ZFPL1: variants seen among roughly 807,000 people sequenced by gnomAD.
ZFPL1 encodes the protein zinc finger protein-like 1.
A neutral mutation model predicts 32.0 loss-of-function variants in ZFPL1; 28 were observed. That is an observed-to-expected ratio of 0.87 (90% CI 0.65 to 1.20). ZFPL1 has a LOEUF of 1.20. ZFPL1 is among the 50% of genes most tolerant of loss of function. The pLI, the probability that ZFPL1 is intolerant of heterozygous loss-of-function variation, is 0.00. For synonymous variants in ZFPL1, 165 were observed against 177.0 expected, an observed-to-expected ratio of 0.93 and a Z score of 0.54; for missense variants, 386 against 424.8, an observed-to-expected ratio of 0.91 and a Z score of 0.80.
At position 65,087,217 on chromosome 11, in the gene ZFPL1, G is replaced by A. The variant is rs867138835; in HGVS notation, c.629-99G>A. 1.7e-5 allele frequency: 26 copies of A among 1,557,910 alleles called. No individual in the cohort carries two copies. The Middle Eastern group carries it at 4.2e-3, about 254-fold the overall frequency. ...AGCCATTACCTCCTCACAATTCTGA[G>A]ATGTTCTGTCAGACTGAGGAGAGCA... On this transcript the variant is annotated intron_variant, in intron 6 of 7. Transcript: ENST00000294258.
chr11:65,086,266 C>A, intron 3 of ZFPL1, 149 bp from the exon 4 acceptor site: 4 of 1,065,182 alleles, frequency 3.8e-6, no homozygotes, highest in Middle Eastern at 2.5e-4. Flanking sequence ...AGAAGACTGA[C>A]ATTTTAGGGA....
Position 65,088,336 on chromosome 11 carries a change from G to T in ZFPL1, c.*222G>T. ...GACTTGCTTTCCTCCCGGGTCTCCA[G>T]CCTCCGACCCCTCGCCCCATGAAGG... On this transcript the variant is annotated 3_prime_UTR_variant, in exon 8 of 8. Transcript: ENST00000294258. The T allele has an allele frequency of 8.2e-7, 1 of 1,217,990 alleles. No individual in the cohort carries two copies. The highest frequency in any genetic ancestry group is 1.2e-6 in the Non-Finnish European group (1 of 859,432). The allele number at this position is 1,217,990 out of a possible 1,614,324, so 75.4% of individuals were successfully genotyped here.
In ZFPL1 at chr11:65,088,363, G is replaced by A. The variant is rs34672618; in HGVS notation, c.*249G>A. On this transcript the variant is annotated 3_prime_UTR_variant, in exon 8 of 8. Transcript: ENST00000294258. The stretch of plus-strand genomic sequence containing the variant: ...CTCCGACCCCTCGCCCCATGAAGGA[G>A]CTGGCAGGTGGAAATAAACAACAAC... The A allele has an allele frequency of 1.5e-5, 20 of 1,342,486 alleles. No individual in the cohort carries two copies. Among genetic ancestry groups the A allele is most frequent in the Middle Eastern group, 1.8e-4 (1 of 5,610 alleles). The allele number at this position is 1,342,486 out of a possible 1,614,324, so 83.2% of individuals were successfully genotyped here.
At chr11:65,086,102 T>G (rs970350823) in intron 3 of ZFPL1, 4 of 444,198 alleles carry the variant, frequency 9.0e-6, no homozygotes, top group African/African-American at 2.0e-5. Context: ...CTGTTCATTA[T>G]TAGCCATTAG....
intron 3 of ZFPL1, 149 bp downstream of exon 3, chr11:65,085,375 G>T (rs1947666837): frequency 4.3e-6 from 3 of 702,212 alleles, no homozygotes. Flanking sequence ...TACCTGCTGT[G>T]TAAGTTCAGG....
At position 65,088,387 on chromosome 11, in the gene ZFPL1, A is replaced by C; in HGVS notation, c.*273A>C. The C allele has an allele frequency of 1.4e-6, 2 of 1,457,428 alleles. No homozygotes were observed. Among genetic ancestry groups the C allele is most frequent in the Non-Finnish European group, 1.9e-6 (2 of 1,075,258 alleles). The allele number at this position is 1,457,428 out of a possible 1,614,324, so 90.3% of individuals were successfully genotyped here. A position where few individuals can be genotyped will look rare whatever the true frequency, so the allele number is the denominator to read the frequency against. On this transcript the variant is annotated 3_prime_UTR_variant, in exon 8 of 8. Transcript: ENST00000294258. ...AGCTGGCAGGTGGAAATAAACAACA[A>C]CTTTATTAAAACACCCGAGGCAGCC... is the stretch of plus-strand genomic sequence containing the variant.
chr11:65,088,223 A>C lies in ZFPL1; in HGVS notation c.*109A>C, dbSNP rs1196270145. ...TTCACTGCCCCTCTCCCTCAAGCCT[A>C]AGACACTAAGACCCCAGACCCAAAG... is the stretch of plus-strand genomic sequence containing the variant. On this transcript the variant is annotated 3_prime_UTR_variant, in exon 8 of 8. Coordinates refer to ENST00000294258, the MANE Select transcript of ZFPL1 (RefSeq NM_006782.4). 5.8e-6 allele frequency: 8 copies of C among 1,368,878 alleles called. No homozygotes were observed. The East Asian group carries it at 1.9e-4, about 32-fold the overall frequency. The allele number at this position is 1,368,878 out of a possible 1,614,324, so 84.8% of individuals were successfully genotyped here.
chr11:65,087,091 TCCAGGC>T lies in ZFPL1; in HGVS notation c.628+19_628+24del, dbSNP rs1565299530. 1 of 1,606,790 alleles carries T rather than the reference TCCAGGC, an allele frequency of 6.2e-7. No individual in the cohort carries two copies. Among genetic ancestry groups the T allele is most frequent in the Non-Finnish European group, 8.5e-7 (1 of 1,174,894 alleles). ...TGACTCACGGTGAGCCTGGGAGTTA[TCCAGGC>T]CGCAGAAGGATAGGAAGAGGGTGGA... On this transcript the variant is annotated intron_variant, in intron 6 of 7. Transcript: ENST00000294258.
intron 7 of ZFPL1, 132 bp from the exon 8 acceptor site, chr11:65,087,796 G>A (rs1307225608): frequency 3.2e-6 from 3 of 945,576 alleles, no homozygotes; most frequent in Non-Finnish European, 4.6e-6. Context: ...GGTGGCAGGT[G>A]CAGGAGTGAT....
intron 3 of ZFPL1, chr11:65,085,744 T>C (rs1565297868): frequency 4.6e-6 from 1 of 216,754 alleles, no homozygotes; most frequent in Non-Finnish European, 9.5e-6. Flanking sequence ...GTGTTTCTCC[T>C]TGTGAGTGCA....
At position 65,086,549 on chromosome 11, in the gene ZFPL1, G is replaced by A. The variant is rs375574707; in HGVS notation, c.349G>A (p.Ala117Thr). 320 of 1,613,976 alleles carry A rather than the reference G, an allele frequency of 2.0e-4. No individual in the cohort carries two copies. Among genetic ancestry groups the A allele is most frequent in the Non-Finnish European group, 2.5e-4 (299 of 1,180,030 alleles). ...PTNLAGPVAS[A>T]LREKLATVNW... ...CAACCTGGCTGGCCCCGTGGCCTCC[G>A]CACTGAGAGAGAAGCTGGCCACAGT... The change falls in exon 4 of 8, where the codon GCA becomes ACA. Residue 117 changes from alanine (A) to threonine (T), a missense_variant. Ala to Thr is a moderately conservative substitution (Grantham distance 58). Coordinates refer to ENST00000294258, the MANE Select transcript of ZFPL1 (RefSeq NM_006782.4).
chr11:65,084,563 G>A (rs1208490915), intron 1 of ZFPL1, 128 bp from the exon 2 acceptor site: 2 of 751,444 alleles, frequency 2.7e-6, no homozygotes, highest in East Asian at 2.7e-5. Context: ...AGGGACAGTG[G>A]GCAGGAATCT....
intron 7 of ZFPL1, 144 bp downstream of exon 7, chr11:65,087,577 CT>C (rs1361306266): frequency 1.2e-5 from 9 of 761,556 alleles, no homozygotes; most frequent in Non-Finnish European, 1.9e-5. Flanking sequence ...GCAGAGAGGC[CT>C]TGGCTGTGCA....
At position 65,088,322 on chromosome 11, in the gene ZFPL1, C is replaced by T. The variant is rs201399867; in HGVS notation, c.*208C>T. The T allele has an allele frequency of 5.3e-6, 6 of 1,139,278 alleles. No individual in the cohort carries two copies. The highest frequency in any genetic ancestry group is 7.6e-6 in the Non-Finnish European group (6 of 791,200). The allele number at this position is 1,139,278 out of a possible 1,614,324, so 70.6% of individuals were successfully genotyped here. ...CAAGCATTTGTCTTGACTTGCTTTCCTCCCGGGTCTCCAGCCTCCGACCCC... is the reference window on the plus strand; with the variant it reads ...CAAGCATTTGTCTTGACTTGCTTTCTTCCCGGGTCTCCAGCCTCCGACCCC... On this transcript the variant is annotated 3_prime_UTR_variant, in exon 8 of 8. Transcript: ENST00000294258.
intron 2 of ZFPL1, 147 bp downstream of exon 2, chr11:65,084,947 G>T (rs975571143): frequency 3.7e-6 from 4 of 1,087,440 alleles, no homozygotes; most frequent in Non-Finnish European, 5.5e-6. Flanking sequence ...TATATCCCCC[G>T]TTCCCAAGAG....
Position 65,084,240 on chromosome 11 carries a change from G to T in ZFPL1, c.-147G>T. 1 of 579,518 alleles carries T rather than the reference G, an allele frequency of 1.7e-6. No individual in the cohort carries two copies. The highest frequency in any genetic ancestry group is 3.1e-6 in the Non-Finnish European group (1 of 327,316). The allele number at this position is 579,518 out of a possible 1,614,324, so 35.9% of individuals were successfully genotyped here. On this transcript the variant is annotated 5_prime_UTR_variant, in exon 1 of 8. Coordinates refer to ENST00000294258, the MANE Select transcript of ZFPL1 (RefSeq NM_006782.4). ...ACCCGGAAGAGACGTGGCAGCGGAG[G>T]GATAATCGGGGCGGCCGGGGCTGAA...
Position 65,084,709 on chromosome 11 carries a change from G to C in ZFPL1, c.11G>C (p.Cys4Ser). 6.2e-7 allele frequency: 1 copy of C among 1,614,096 alleles called. No homozygotes were observed. The highest frequency in any genetic ancestry group is 2.2e-5 in the East Asian group (1 of 44,870). Residue 4 changes from cysteine (C) to serine (S), a missense_variant, in exon 2 of 8, where the codon TGT becomes TCT. Transcript: ENST00000294258. ...TTCCCAGGATCGATCATGGGGCTTTGTAAGTGCCCCAAGAGAAAGGTGACC... is the reference window on the plus strand; with the variant it reads ...TTCCCAGGATCGATCATGGGGCTTTCTAAGTGCCCCAAGAGAAAGGTGACC... Reference protein sequence around the residue: MGLCKCPKRKVTNL... With the variant: MGLSKCPKRKVTNL...
chr11:65,085,028 G>A, intron 2 of ZFPL1, 87 bp from the exon 3 acceptor site: 2 of 1,325,588 alleles, frequency 1.5e-6, no homozygotes, highest in Admixed American at 3.5e-5. Flanking sequence ...AGTCTCCTCT[G>A]TGGCTAGAGA....
rs372262855 is a variant in ZFPL1 at position 65,084,780 on chromosome 11, C to G, written c.82C>G (p.Leu28Val). ...EHRVNVCEHCLVANHAKCIVQ... is the reference protein window; with the variant it reads ...EHRVNVCEHCVVANHAKCIVQ... Reference sequence around the variant, plus strand: ...TCGGGTCAACGTCTGCGAGCACTGCCTGGTAGCCAATCACGCCAAGGTGGG... The same window carrying G: ...TCGGGTCAACGTCTGCGAGCACTGCGTGGTAGCCAATCACGCCAAGGTGGG... Residue 28 changes from leucine to valine, a missense_variant, in exon 2 of 8, where the codon CTG (leucine) becomes GTG (valine). Leu to Val is a conservative substitution (Grantham distance 32, BLOSUM62 1). Coordinates refer to ENST00000294258, the MANE Select transcript of ZFPL1 (RefSeq NM_006782.4). 1.9e-5 allele frequency: 30 copies of G among 1,614,168 alleles called. No individual in the cohort carries two copies. The African/African-American group carries it at 4.0e-4, about 22-fold the overall frequency.
Sources: allele counts gnomAD v4.1 joint callset, GRCh38; gene constraint gnomAD v4.1.1; transcripts MANE v1.5; gene names NCBI Gene and HGNC (gene_info 2026-07-23, HGNC 2026-07-21).